The following CCDC9 variants were observed in gnomAD, a reference collection of about 807,000 sequenced individuals.
CCDC9 encodes the protein coiled-coil domain-containing protein 9.
CCDC9 carries 52 observed loss-of-function variants against 65.6 expected under a neutral mutation model. That is an observed-to-expected ratio of 0.79 (90% CI 0.63 to 1.00). The LOEUF (loss-of-function observed/expected upper bound fraction) is 1.00, where lower values mean the gene tolerates loss of function less well. CCDC9 is among the 50% of genes least tolerant of loss of function. The probability of loss-of-function intolerance (pLI) is 0.00; values close to 1 mark genes in which losing one functional copy is unlikely to be tolerated. For synonymous variants in CCDC9, 332 were observed against 280.3 expected (o/e 1.18, Z -1.84); for missense variants, 834 against 757.2 (o/e 1.10, Z -1.19).
In CCDC9 at chr19:47,271,354, G is replaced by A; in HGVS notation, c.1272G>A (p.Trp424Ter). Residue 424 changes from tryptophan (W) to a stop codon, truncating the protein, a stop_gained, in exon 12 of 12, where the codon TGG becomes TGA. Transcript: ENST00000221922. LOFTEE classifies it high-confidence loss of function. ...EENEGEEDEE[W>*]EDISEDEEEE... ...ATGAGGGGGAAGAGGATGAAGAATG[G>A]GAGGACATAAGTGAGGATGAGGAAG... 2 of 1,613,640 alleles carry A rather than the reference G, an allele frequency of 1.2e-6. No individual in the cohort carries two copies. The highest frequency in any genetic ancestry group is 1.7e-6 in the Non-Finnish European group (2 of 1,179,810).
At position 47,271,121 on chromosome 19, in the gene CCDC9, A is replaced by G. The variant is rs1195994972; in HGVS notation, c.1125A>G (p.Ala375=). 1.9e-6 allele frequency: 3 copies of G among 1,573,246 alleles called. No homozygotes were observed. Among genetic ancestry groups the G allele is most frequent in the Admixed American group, 3.9e-5 (2 of 51,520 alleles). The change falls in exon 11 of 12, where the codon GCA becomes GCG. Residue 375 remains alanine (A), a synonymous_variant. Coordinates refer to ENST00000221922, the MANE Select transcript of CCDC9 (RefSeq NM_015603.3). The part of the protein sequence containing the change: ...DDRWETKEGA[A]SPAPETPQPT... ...GCTGGGAGACAAAAGAAGGGGCAGC[A>G]TCCCCAGCCCCTGAGACTCCACAGC...
intron 5 of CCDC9, among the ~76,000 whole-genome samples, chr19:47,262,210 CT>C (rs60699350): frequency 0.099 from 11,031 of 111,944 alleles, 505 homozygotes; most frequent in South Asian, 0.17. Context: ...CAGGTTCCTG[CT>C]TTTTTTTTTT....
At chr19:47,270,291 T>G in intron 8 of CCDC9, 116 bp from the exon 9 acceptor site, 1 of 973,480 alleles carries the variant, frequency 1.0e-6, no homozygotes, top group Non-Finnish European at 1.6e-6. Flanking sequence ...TAGTGTCCCC[T>G]GTCTGGTTGA....
At chr19:47,269,675 T>G (rs4802336) in intron 8 of CCDC9, among the ~76,000 whole-genome samples, 81,948 of 151,980 alleles carry the variant, frequency 0.54, 23,106 homozygotes, top group African/African-American at 0.69. Context: ...GAAGGCCTCT[T>G]AGCAGAGCCC....
intron 5 of CCDC9, among the ~76,000 whole-genome samples, chr19:47,263,865 G>A (rs1302514012): frequency 1.4e-5 from 2 of 145,306 alleles, no homozygotes; most frequent in South Asian, 2.2e-4. Flanking sequence ...TGCCCGACCC[G>A]TTATTTTTAT....
In CCDC9 at chr19:47,271,767, G is replaced by A. The variant is rs1249034616; in HGVS notation, c.*89G>A. 13 of 1,473,132 alleles carry A rather than the reference G, an allele frequency of 8.8e-6. No individual in the cohort carries two copies. Among genetic ancestry groups the A allele is most frequent in the Non-Finnish European group, 1.2e-5 (13 of 1,118,040 alleles). 91.3% of individuals were successfully genotyped at this position (1,473,132 alleles called of 1,614,324 possible). A position where few individuals can be genotyped will look rare whatever the true frequency, so the allele number is the denominator to read the frequency against. ...CGCGCGCGCGCGCGCGCGCTAGAGGGGTGTGGCTGGTGGGGGACCCTTGGG... is the reference window on the plus strand; with the variant it reads ...CGCGCGCGCGCGCGCGCGCTAGAGGAGTGTGGCTGGTGGGGGACCCTTGGG... On this transcript the variant is annotated 3_prime_UTR_variant, in exon 12 of 12. Coordinates refer to ENST00000221922, the MANE Select transcript of CCDC9 (RefSeq NM_015603.3).
rs1010021375 is a variant in CCDC9, at chr19:47,264,915, G to A, written c.689G>A (p.Arg230Gln). 17 of 1,460,910 alleles carry A rather than the reference G, an allele frequency of 1.2e-5. 1 individual carries two copies. In the Admixed American group the frequency reaches 1.6e-4, roughly 14 times the overall value. The allele number at this position is 1,460,910 out of a possible 1,614,324, so 90.5% of individuals were successfully genotyped here. Reference sequence around the variant, plus strand: ...AACTGGGGGGGCCCCGACTTCGAGCGGGTGCGCTGTGGCCTTGAGCACGAG... The same window carrying A: ...AACTGGGGGGGCCCCGACTTCGAGCAGGTGCGCTGTGGCCTTGAGCACGAG... The part of the protein sequence containing the change: ...GRNWGGPDFE[R>Q]VRCGLEHERQ... The change falls in exon 7 of 12, where the codon CGG becomes CAG. Residue 230 changes from arginine (R) to glutamine (Q), a missense_variant. Physicochemically the swap from Arg to Gln is conservative, Grantham distance 43. Transcript: ENST00000221922.
In CCDC9 at chr19:47,261,827, C is replaced by T. The variant is rs1024767775; in HGVS notation, c.462+988C>T. 7.9e-5 allele frequency among the ~76,000 whole-genome samples: 12 copies of T among 151,294 alleles called. 1 individual carries two copies. The highest frequency in any genetic ancestry group is 7.9e-4 in the Admixed American group (12 of 15,146). On this transcript the variant is annotated intron_variant, in intron 5 of 11. Transcript: ENST00000221922. ...CCTGAAGTCAGGAGTTCGAGACCAG[C>T]CTGGCCAACATGGCGAAACCCCATC... is the stretch of plus-strand genomic sequence containing the variant.
At chr19:47,265,002 A>G in intron 7 of CCDC9, 56 bp downstream of exon 7, 3 of 1,389,224 alleles carry the variant, frequency 2.2e-6, no homozygotes, top group Non-Finnish European at 2.8e-6. Flanking sequence ...TGGGGACTGC[A>G]TAGCAGGAAC....
chr19:47,275,286 C>G (rs748465000), downstream of CCDC9: 2 of 1,546,018 alleles, frequency 1.3e-6, no homozygotes, highest in East Asian at 2.5e-5. Flanking sequence ...CCCTGACCGC[C>G]GTCCGAGCCG....
At chr19:47,270,326 G>C in intron 8 of CCDC9, 81 bp from the exon 9 acceptor site, 2 of 1,384,898 alleles carry the variant, frequency 1.4e-6, no homozygotes, top group Non-Finnish European at 1.0e-6. Context: ...TCCGATTCCT[G>C]ACCCTGACCT....
chr19:47,261,529 C>T (rs1320242966), intron 5 of CCDC9, among the ~76,000 whole-genome samples: 2 of 151,960 alleles, frequency 1.3e-5, no homozygotes, highest in African/African-American at 2.4e-5. Context: ...GCTTCTGGTT[C>T]TAGCACTTAC....
At chr19:47,256,987 G>T (rs959397150) in intron 1 of CCDC9, among the ~76,000 whole-genome samples, 11 of 151,542 alleles carry the variant, frequency 7.3e-5, no homozygotes, top group Admixed American at 1.3e-4. Flanking sequence ...CCGGGACGTT[G>T]GGGGCGGACC....
downstream of CCDC9, chr19:47,275,138 C>A (rs762488994): frequency 4.1e-5 from 61 of 1,491,054 alleles, no homozygotes; most frequent in South Asian, 7.6e-4. Flanking sequence ...GCGCGCCGTC[C>A]CCTCCGTGTG....
chr19:47,265,051 C>A, intron 7 of CCDC9, 105 bp downstream of exon 7: 1 of 1,039,758 alleles, frequency 9.6e-7, no homozygotes, highest in Non-Finnish European at 1.3e-6. Context: ...CTTTTTTGTG[C>A]CACAGCACAG....
chr19:47,260,983 T>C (rs2059041688), intron 5 of CCDC9, 144 bp downstream of exon 5: 3 of 945,010 alleles, frequency 3.2e-6, no homozygotes, highest in Admixed American at 3.0e-5. Context: ...TCTGTTTCTC[T>C]CTTCCTCCAC....
At chr19:47,260,466 G>T in intron 4 of CCDC9, 44 bp downstream of exon 4, 1 of 1,607,754 alleles carries the variant, frequency 6.2e-7, no homozygotes, top group South Asian at 1.1e-5. Context: ...ATGGGGAGGG[G>T]CAGAGGGTTG....
chr19:47,268,609 A>G (rs1460700714), intron 8 of CCDC9, among the ~76,000 whole-genome samples: 1 of 152,140 alleles, frequency 6.6e-6, no homozygotes, highest in Non-Finnish European at 1.5e-5. Flanking sequence ...GCAGTTTGCA[A>G]CAAGTCTGAT....
intron 5 of CCDC9, among the ~76,000 whole-genome samples, chr19:47,264,161 G>A (rs1208795568): frequency 6.6e-6 from 1 of 152,182 alleles, no homozygotes; most frequent in African/African-American, 2.4e-5. Context: ...GATTACAGGC[G>A]TGAGCCACCG....
Sources: allele counts gnomAD v4.1 joint callset (sites outside exome capture counted in the v4.1 genomes callset), GRCh38; gene constraint gnomAD v4.1.1; transcripts MANE v1.5; gene names NCBI Gene and HGNC (gene_info 2026-07-23, HGNC 2026-07-21).